Variants in NFAM1 observed in about 807,000 individuals in gnomAD.
The protein encoded by NFAM1 is NFAT activation molecule 1.
NFAM1 carries 17 observed loss-of-function variants against 29.0 expected under a neutral mutation model. That is an observed-to-expected ratio of 0.59 (90% CI 0.40 to 0.88). NFAM1 has a LOEUF of 0.88. Among genes scored for constraint, NFAM1 ranks in the 40% least tolerant of loss-of-function variants. NFAM1 has a pLI of 0.00. For missense variants in NFAM1, 324 were observed against 344.6 expected, an observed-to-expected ratio of 0.94 and a Z score of 0.47; for synonymous variants, 175 against 147.2, an observed-to-expected ratio of 1.19 and a Z score of -1.36.
At chr22:42,411,017 T>C (rs1453723990) in intron 2 of NFAM1, among the ~76,000 whole-genome samples, 2 of 120,632 alleles carry the variant, frequency 1.7e-5, no homozygotes, top group Non-Finnish European at 1.6e-5. Flanking sequence ...TTCTTTTCTT[T>C]TCTTTTTTTT....
chr22:42,422,919 C>A (rs901064820), intron 1 of NFAM1, among the ~76,000 whole-genome samples: 2 of 151,748 alleles, frequency 1.3e-5, no homozygotes, highest in Non-Finnish European at 1.5e-5. Context: ...TTGAGACCAG[C>A]GTGGTCAAGA....
intron 1 of NFAM1, among the ~76,000 whole-genome samples, chr22:42,430,556 C>CA (rs10684230): frequency 0.34 from 24,743 of 72,582 alleles, 3,872 homozygotes; most frequent in Admixed American, 0.43. Context: ...GTGAAACTCT[C>CA]AAAAAAAAAA....
chr22:42,413,823 G>A (rs923018349), intron 1 of NFAM1, among the ~76,000 whole-genome samples: 11 of 152,176 alleles, frequency 7.2e-5, no homozygotes, highest in African/African-American at 2.7e-4. Context: ...GGAAGCCAAG[G>A]TGGGCAGATC....
upstream of NFAM1, among the ~76,000 whole-genome samples, chr22:42,434,922 T>C (rs1023436700): frequency 6.6e-6 from 1 of 152,224 alleles, no homozygotes; most frequent in Non-Finnish European, 1.5e-5. Flanking sequence ...CCTCACAGTA[T>C]ACTGAACACC....
At chr22:42,393,308 C>T (rs1022274173) in intron 4 of NFAM1, among the ~76,000 whole-genome samples, 3 of 152,008 alleles carry the variant, frequency 2.0e-5, no homozygotes, top group Admixed American at 2.0e-4. Context: ...TCCAGCTAAT[C>T]GGGAGGTTGT....
rs189455671 is a variant in NFAM1, at chr22:42,388,186, G to C, written c.664-1108C>G. On this transcript the variant is annotated intron_variant, in intron 4 of 5. Coordinates refer to ENST00000329021, the MANE Select transcript of NFAM1 (RefSeq NM_145912.8). This position sits in a 1 kb window ranked among gnomAD's most constrained non-coding sequence, Gnocchi z 4.1. ...GAACCGGGGCTTTAAAGTCAGACAA[G>C]AGTAGGTTCGAATCTCGGCTCTGAC... Among the ~76,000 whole-genome samples, 44 of 148,310 alleles carry C rather than the reference G, an allele frequency of 3.0e-4. No homozygotes were observed. The highest frequency in any genetic ancestry group is 2.1e-3 in the Admixed American group (31 of 14,592).
intron 3 of NFAM1, among the ~76,000 whole-genome samples, chr22:42,405,224 G>A (rs534395437): frequency 2.6e-5 from 4 of 152,306 alleles, no homozygotes; most frequent in African/African-American, 9.6e-5. Context: ...AGGAGCTGAC[G>A]TTGCTCAGCA....
At chr22:42,435,439 C>T (rs1212619684), upstream of NFAM1, among the ~76,000 whole-genome samples, 1 of 151,884 alleles carries the variant, frequency 6.6e-6, no homozygotes, top group African/African-American at 2.4e-5. Context: ...ACTCTGCCTC[C>T]CGGGTTCAAG....
At chr22:42,430,755 C>T (rs1930771295) in intron 1 of NFAM1, among the ~76,000 whole-genome samples, 1 of 151,904 alleles carries the variant, frequency 6.6e-6, no homozygotes, top group Admixed American at 6.6e-5. Context: ...AGAGCTTTTC[C>T]CCAGTAGCAC....
At chr22:42,395,864 C>A (rs1256122072) in intron 4 of NFAM1, among the ~76,000 whole-genome samples, 2 of 129,454 alleles carry the variant, frequency 1.5e-5, no homozygotes, top group African/African-American at 5.9e-5. Context: ...GCCTGGGCGA[C>A]AGAGCGAGAC....
In NFAM1 at chr22:42,420,246, G is replaced by A. The variant is rs367871062; in HGVS notation, c.122-8510C>T. 3.5e-4 allele frequency among the ~76,000 whole-genome samples: 53 copies of A among 152,038 alleles called. 1 individual carries two copies. The South Asian group carries it at 0.011, about 31-fold the overall frequency. ...GCTAGTCTCGAACTCCTGAACTTGGGTGATTTCTTGAGCTCAGGACTTTAA... is the reference window on the plus strand; with the variant it reads ...GCTAGTCTCGAACTCCTGAACTTGGATGATTTCTTGAGCTCAGGACTTTAA... On this transcript the variant is annotated intron_variant, in intron 1 of 5. Transcript: ENST00000329021.
chr22:42,411,780 T>C (rs931397402), intron 1 of NFAM1, 44 bp from the exon 2 acceptor site: 17 of 1,401,780 alleles, frequency 1.2e-5, no homozygotes, highest in Non-Finnish European at 1.7e-5. Context: ...CACTTGAGGC[T>C]GCCTCAGTCC....
chr22:42,411,316 G>A lies in NFAM1; in HGVS notation c.451+91C>T, dbSNP rs73886092. ...TGGGATGTGTGAGCCACTGCGCCTG[G>A]CCCCATTCTCTATTTCCGATCCAAA... On this transcript the variant is annotated intron_variant, in intron 2 of 5. Transcript: ENST00000329021. 0.017 allele frequency: 16,888 copies of A among 1,015,612 alleles called. 1,890 individuals are homozygous for A. In the African/African-American group the frequency reaches 0.24, roughly 14 times the overall value. The allele number at this position is 1,015,612 out of a possible 1,614,324, so 62.9% of individuals were successfully genotyped here.
chr22:42,418,318 A>G (rs1930327901), intron 1 of NFAM1, among the ~76,000 whole-genome samples: 1 of 152,138 alleles, frequency 6.6e-6, no homozygotes, highest in Non-Finnish European at 1.5e-5. Context: ...GGGACCTGGA[A>G]CCCAGCTACT....
Position 42,384,805 on chromosome 22 carries a change from A to C in NFAM1, c.*356T>G, listed in dbSNP as rs1280240407. 1 of 348,828 alleles carries C rather than the reference A, an allele frequency of 2.9e-6. No homozygotes were observed. The highest frequency in any genetic ancestry group is 6.5e-5 in the East Asian group (1 of 15,370). The allele number at this position is 348,828 out of a possible 1,614,324, so 21.6% of individuals were successfully genotyped here. A position where few individuals can be genotyped will look rare whatever the true frequency, so the allele number is the denominator to read the frequency against. On this transcript the variant is annotated 3_prime_UTR_variant, in exon 6 of 6. Transcript: ENST00000329021. ...ACTGGCTGAGGTGCAGGCTGGTGCC[A>C]AGAGAGCATGCTGCTCTGTCAGCAT...
the NFAM1 span, among the ~76,000 whole-genome samples, chr22:42,437,844 C>T: frequency 3.9e-5 from 6 of 152,296 alleles, no homozygotes; most frequent in Admixed American, 2.0e-4. Context: ...AAGAGTGTGC[C>T]GGCGGAGGGC....
At chr22:42,399,055 GC>G (rs1055897716) in intron 3 of NFAM1, among the ~76,000 whole-genome samples, 4 of 152,198 alleles carry the variant, frequency 2.6e-5, no homozygotes, top group African/African-American at 9.7e-5. Context: ...AATCCTGAGG[GC>G]AAGAAGTTCA....
At chr22:42,420,026 T>TTC (rs1930393864) in intron 1 of NFAM1, among the ~76,000 whole-genome samples, 1 of 97,792 alleles carries the variant, frequency 1.0e-5, no homozygotes, top group Admixed American at 1.3e-4. Flanking sequence ...TTTTTTTTTT[T>TTC]CTGAGGCAGA....
chr22:42,424,518 C>T (rs982141745), intron 1 of NFAM1, among the ~76,000 whole-genome samples: 1 of 152,204 alleles, frequency 6.6e-6, no homozygotes, highest in Non-Finnish European at 1.5e-5. Flanking sequence ...ACTTGTTCAG[C>T]TGAACAGTTC....
Sources: allele counts gnomAD v4.1 joint callset (sites outside exome capture counted in the v4.1 genomes callset), GRCh38; gene constraint gnomAD v4.1.1; non-coding constraint Gnocchi (gnomAD v3.1); transcripts MANE v1.5; gene names NCBI Gene and HGNC (gene_info 2026-07-23, HGNC 2026-07-21).